Variants in RDX observed in about 807,000 individuals in gnomAD.
The protein encoded by RDX is radixin, also known as deafness, autosomal recessive 24.
A neutral mutation model predicts 83.7 loss-of-function variants in RDX; 32 were observed. That is an observed-to-expected ratio of 0.38 (90% CI 0.29 to 0.51). The LOEUF (loss-of-function observed/expected upper bound fraction) is 0.51. Among genes scored for constraint, RDX ranks in the 20% least tolerant of loss-of-function variants. The pLI, the probability that RDX is intolerant of heterozygous loss-of-function variation, is 0.87. For synonymous variants in RDX, 229 were observed against 222.7 expected (o/e 1.03, Z -0.25); for missense variants, 600 against 689.9 (o/e 0.87, Z 1.46).
chr11:110,186,590 T>C (rs994054309), intron 15 of RDX, among the ~76,000 whole-genome samples: 14 of 151,592 alleles, frequency 9.2e-5, no homozygotes, highest in African/African-American at 2.9e-4. Context: ...AAGGAGAAGG[T>C]AGGCAGGCAG....
chr11:110,175,104 G>T (rs1453198284), exon 16 of RDX: 3 of 152,178 alleles, frequency 2.0e-5, no homozygotes, highest in Non-Finnish European at 4.4e-5. Flanking sequence ...GCTGACCAGG[G>T]TTCACTGCTT....
At chr11:110,224,660 T>G (rs191618763), downstream of RDX, among the ~76,000 whole-genome samples, 954 of 152,310 alleles carry the variant, frequency 6.3e-3, 18 homozygotes, top group African/African-American at 0.02. Context: ...GAAAAGAAAC[T>G]GAGCTTTTAA....
intron 9 of RDX, among the ~76,000 whole-genome samples, chr11:110,250,419 A>G (rs1402981290): frequency 6.6e-6 from 1 of 152,164 alleles, no homozygotes; most frequent in South Asian, 2.1e-4. Flanking sequence ...TCCCAAGCCA[A>G]CTACCTCCCT....
At chr11:110,226,268 T>C (rs186142588), downstream of RDX, among the ~76,000 whole-genome samples, 954 of 152,316 alleles carry the variant, frequency 6.3e-3, 18 homozygotes, top group African/African-American at 0.02. Flanking sequence ...AAATATGGTA[T>C]ATGCATACAA....
At chr11:110,259,936 A>G (rs145726916) in intron 5 of RDX, among the ~76,000 whole-genome samples, 4 of 151,358 alleles carry the variant, frequency 2.6e-5, no homozygotes, top group Admixed American at 1.3e-4. Context: ...CACTGCCCCC[A>G]GTCTACCATA....
Position 110,279,777 on chromosome 11 carries a change from T to C in RDX, c.-64-21A>G, listed in dbSNP as rs1364910775. On this transcript the variant is annotated intron_variant, in intron 1 of 13. Coordinates refer to ENST00000645495, the MANE Select transcript of RDX (RefSeq NM_002906.4). Reference sequence around the variant, plus strand: ...ACTTTCTGTTAAAAAAAAAAAAGCATAATCTATTATCTTTTTATATAAGGT... The same window carrying C: ...ACTTTCTGTTAAAAAAAAAAAAGCACAATCTATTATCTTTTTATATAAGGT... The C allele has an allele frequency of 5.0e-6, 4 of 795,246 alleles. No individual in the cohort carries two copies. In the East Asian group the frequency reaches 7.6e-5, roughly 15 times the overall value. The allele number at this position is 795,246 out of a possible 1,614,324, so 49.3% of individuals were successfully genotyped here. A position where few individuals can be genotyped will look rare whatever the true frequency, so the allele number is the denominator to read the frequency against.
chr11:110,233,136 C>G lies in RDX; in HGVS notation c.1587+101G>C. 3 of 1,401,884 alleles carry G rather than the reference C, an allele frequency of 2.1e-6. No individual in the cohort carries two copies. In the Admixed American group the frequency reaches 5.1e-5, roughly 24 times the overall value. 86.8% of individuals were successfully genotyped at this position (1,401,884 alleles called of 1,614,324 possible). ...ACCCACAAACCAATCACAAGGGCAG[C>G]CAGTATTAAAACTTCTATATTCTTT... On this transcript the variant is annotated intron_variant, in intron 13 of 13. Transcript: ENST00000645495.
chr11:110,236,254 C>G, intron 11 of RDX, 63 bp from the exon 12 acceptor site: 1 of 1,315,998 alleles, frequency 7.6e-7, no homozygotes, highest in South Asian at 1.2e-5. Context: ...TATAAGTCAA[C>G]AAAGTTTTAA....
At chr11:110,249,196 A>G (rs1279664865) in intron 9 of RDX, among the ~76,000 whole-genome samples, 1 of 152,196 alleles carries the variant, frequency 6.6e-6, no homozygotes, top group East Asian at 1.9e-4. Context: ...CACTACTTTA[A>G]TAACTTAAAA....
chr11:110,201,903 TTGTGTGTGTGTGTGTGTGTGTGTGTG>T lies in RDX; in HGVS notation c.1749-2251_1749-2226del, dbSNP rs141731309. On this transcript the variant is annotated intron_variant, in intron 14 of 15. Coordinates refer to the RDX transcript ENST00000528498. ...CACATGCCACCACATCCGGCTAATTTTGTGTGTGTGTGTGTGTGTGTGTGTGTGTGTGTGTGTGTGTGTGTGTGTGT... is the reference window on the plus strand; with the variant it reads ...CACATGCCACCACATCCGGCTAATTTTGTGTGTGTGTGTGTGTGTGTGTGT... Among the ~76,000 whole-genome samples the T allele has an allele frequency of 4.9e-3, 670 of 137,322 alleles. 18 individuals carry two copies. In the East Asian group the frequency reaches 0.085, roughly 17 times the overall value. 90.1% of individuals were successfully genotyped at this position (137,322 alleles called of 152,430 possible).
At chr11:110,228,845 T>C (rs1028063269), downstream of RDX, among the ~76,000 whole-genome samples, 17 of 151,942 alleles carry the variant, frequency 1.1e-4, no homozygotes, top group African/African-American at 4.1e-4. Context: ...AAAATTCCAT[T>C]TTCTGACAGG....
At chr11:110,263,882 AACCTG>A in intron 5 of RDX, 73 bp downstream of exon 5, 1 of 1,416,260 alleles carries the variant, frequency 7.1e-7, no homozygotes, top group Non-Finnish European at 9.7e-7. Context: ...AAAAAAAAAA[AACCTG>A]AAAAACGTTT....
chr11:110,231,648 C>A lies in RDX; in HGVS notation c.*221G>T. On this transcript the variant is annotated 3_prime_UTR_variant, in exon 14 of 14. Coordinates refer to ENST00000645495, the MANE Select transcript of RDX (RefSeq NM_002906.4). ...AAATGTGAAAAGAGGCAATGGAACA[C>A]CATTCTCCATTCCCTGGACCAAAAG... 1.7e-6 allele frequency: 1 copy of A among 574,620 alleles called. No homozygotes were observed. Among genetic ancestry groups the A allele is most frequent in the Non-Finnish European group, 3.1e-6 (1 of 322,690 alleles). 35.6% of individuals were successfully genotyped at this position (574,620 alleles called of 1,614,324 possible).
At chr11:110,197,891 T>C (rs1053657600) in intron 15 of RDX, among the ~76,000 whole-genome samples, 10 of 152,202 alleles carry the variant, frequency 6.6e-5, no homozygotes, top group Non-Finnish European at 4.4e-5. Flanking sequence ...TGATGATGGA[T>C]GTGTCGTAGC....
downstream of RDX, among the ~76,000 whole-genome samples, chr11:110,228,446 A>C (rs1864502326): frequency 6.6e-6 from 1 of 152,108 alleles, no homozygotes; most frequent in Admixed American, 6.5e-5. Context: ...GGAACCTAAC[A>C]GTACAGCTCC....
rs780068896 is a variant in RDX at position 110,263,998 on chromosome 11, C to A, written c.429G>T (p.Lys143Asn). Residue 143 changes from lysine to asparagine, a missense_variant, in exon 5 of 14, where the codon AAG becomes AAT. Physicochemically the swap from Lys to Asn is moderately conservative, Grantham distance 94 (BLOSUM62 0). Coordinates refer to ENST00000645495, the MANE Select transcript of RDX (RefSeq NM_002906.4). ...GTCTATCATTAGCCAGGTAGCCTGG[C>A]TTATGAATCTCTTTATTGTAATCTC... ...KYGDYNKEIH[K>N]PGYLANDRLL... The A allele has an allele frequency of 6.2e-7, 1 of 1,613,780 alleles. No homozygotes were observed. Among genetic ancestry groups the A allele is most frequent in the Non-Finnish European group, 8.5e-7 (1 of 1,179,750 alleles).
At chr11:110,207,985 A>C (rs1863667970) in intron 14 of RDX, among the ~76,000 whole-genome samples, 1 of 108,758 alleles carries the variant, frequency 9.2e-6, no homozygotes, top group Non-Finnish European at 1.9e-5. Flanking sequence ...AAGTTGAATC[A>C]GATTTTTTTT....
chr11:110,218,600 C>G (rs1864139821), intron 14 of RDX, among the ~76,000 whole-genome samples: 1 of 152,212 alleles, frequency 6.6e-6, no homozygotes, highest in Non-Finnish European at 1.5e-5. Flanking sequence ...CCTGCCCTCC[C>G]TCATGATTTT....
rs1323044707 is a variant in RDX at position 110,296,479 on chromosome 11, C to G, written c.-77G>C. The G allele has an allele frequency of 6.6e-6, 1 of 151,358 alleles. No homozygotes were observed. The highest frequency in any genetic ancestry group is 1.5e-5 in the Non-Finnish European group (1 of 67,732). 9.4% of individuals were successfully genotyped at this position (151,358 alleles called of 1,614,324 possible). On this transcript the variant is annotated 5_prime_UTR_variant, in exon 1 of 14. Transcript: ENST00000645495. ...CGCCGCGCCTTACCCGGAGAGCGGG[C>G]GGCTTCTGCCCGCCGGCGTGTGGCT...
Sources: allele counts gnomAD v4.1 joint callset (sites outside exome capture counted in the v4.1 genomes callset), GRCh38; gene constraint gnomAD v4.1.1; transcripts MANE v1.5; gene names NCBI Gene and HGNC (gene_info 2026-07-23, HGNC 2026-07-21).